Variants in NSD2 observed in about 807,000 individuals in gnomAD.
NSD2 encodes the protein histone-lysine N-methyltransferase NSD2.
NSD2 carries 12 observed loss-of-function variants against 139.0 expected under a neutral mutation model. That is an observed-to-expected ratio of 0.09 (90% CI 0.06 to 0.14). The LOEUF (loss-of-function observed/expected upper bound fraction) is 0.14. Ranked by LOEUF, NSD2 falls within the 10% of genes least tolerant of loss-of-function variation. The pLI is 1.00. For synonymous variants in NSD2, 669 were observed against 648.7 expected (o/e 1.03, Z -0.48); for missense variants, 1,155 against 1,745.0 (o/e 0.66, Z 6.02).
chr4:1,911,948 A>G (rs545040997), intron 3 of NSD2: 1 of 178,828 alleles, frequency 5.6e-6, no homozygotes, highest in East Asian at 1.6e-4. Context: ...TTAATTTTAT[A>G]TTGTGTGTGC....
In NSD2 at chr4:1,900,883, G is replaced by A. The variant is rs749595883; in HGVS notation, c.229G>A (p.Asp77Asn). ...GHDALPFIPADKLKDLTSRVF... is the reference protein window; with the variant it reads ...GHDALPFIPANKLKDLTSRVF... Reference sequence around the variant, plus strand: ...CGACGCCCTGCCCTTTATTCCAGCCGACAAGCTGAAAGATCTTACTTCCCG... The same window carrying A: ...CGACGCCCTGCCCTTTATTCCAGCCAACAAGCTGAAAGATCTTACTTCCCG... Residue 77 changes from aspartate (D) to asparagine (N), a missense_variant, in exon 2 of 22, where the codon GAC becomes AAC. This residue lies in a region of NSD2 where 246 missense variants were observed against 262.8 expected (regional missense o/e 0.94). Transcript: ENST00000508803. 31 of 1,612,814 alleles carry A rather than the reference G, an allele frequency of 1.9e-5. No individual in the cohort carries two copies. In the Admixed American group the frequency reaches 4.3e-4, roughly 23 times the overall value.
At chr4:1,916,147 A>G (rs1462991881) in intron 3 of NSD2, among the ~76,000 whole-genome samples, 1 of 151,812 alleles carries the variant, frequency 6.6e-6, no homozygotes, top group Non-Finnish European at 1.5e-5. Context: ...TAGCACTGTG[A>G]GATAGGGGGG....
At chr4:1,872,637 C>CGAGAGAGAGAGAGA (rs1375337847) in intron 1 of NSD2, among the ~76,000 whole-genome samples, 6 of 81,746 alleles carry the variant, frequency 7.3e-5, no homozygotes, top group Non-Finnish European at 1.3e-4. Flanking sequence ...AGAGAGAGAG[C>CGAGAGAGAGAGAGA]GCGCAGACCC....
intron 1 of NSD2, among the ~76,000 whole-genome samples, chr4:1,900,061 G>A (rs1349127034): frequency 1.3e-5 from 2 of 152,160 alleles, no homozygotes; most frequent in Non-Finnish European, 2.9e-5. Context: ...TCCTGTGCTT[G>A]GAGTTGGAAT....
At chr4:1,872,637 C>CGCGCGA (rs1553856510) in intron 1 of NSD2, among the ~76,000 whole-genome samples, 1 of 81,746 alleles carries the variant, frequency 1.2e-5, no homozygotes, top group African/African-American at 4.3e-5. Flanking sequence ...AGAGAGAGAG[C>CGCGCGA]GCGCAGACCC....
intron 5 of NSD2, among the ~76,000 whole-genome samples, chr4:1,923,064 G>T (rs1257346008): frequency 6.6e-6 from 1 of 152,194 alleles, no homozygotes; most frequent in African/African-American, 2.4e-5. Flanking sequence ...TGGACGTGGT[G>T]CTGGGACCAC....
chr4:1,907,772 C>G (rs1013163852), intron 3 of NSD2, among the ~76,000 whole-genome samples: 1 of 152,130 alleles, frequency 6.6e-6, no homozygotes, highest in East Asian at 1.9e-4. Context: ...GCCACCACAC[C>G]CAGCTAATTT....
rs200279117 is a variant in NSD2, at chr4:1,975,427, C to A, written c.3621+27C>A. On this transcript the variant is annotated intron_variant, in intron 20 of 21. Transcript: ENST00000508803. ...TAAGGCTGTGGCGCCCTCCTTCCCC[C>A]CAGGCTCTGTGTTGGCATTTTGCAC... The A allele has an allele frequency of 1.1e-4, 174 of 1,605,158 alleles. No homozygotes were observed. In the South Asian group the frequency reaches 1.7e-3, roughly 15 times the overall value.
At chr4:1,953,655 C>T in intron 12 of NSD2, 131 bp downstream of exon 12, 1 of 1,196,528 alleles carries the variant, frequency 8.4e-7, no homozygotes, top group Non-Finnish European at 1.2e-6. Flanking sequence ...ACTAACTGGA[C>T]ATCGGCTGGG....
At chr4:1,893,185 GC>G (rs1168268483) in intron 1 of NSD2, among the ~76,000 whole-genome samples, 1 of 152,034 alleles carries the variant, frequency 6.6e-6, no homozygotes, top group Non-Finnish European at 1.5e-5. Context: ...AAACTCTCAG[GC>G]CAGGCTCGGT....
chr4:1,944,237 T>G (rs967674923), intron 9 of NSD2: 1 of 1,066,150 alleles, frequency 9.4e-7, no homozygotes, highest in South Asian at 4.5e-5. Context: ...GAGCGGAGTT[T>G]TCCGAGAGGA....
At chr4:1,947,799 G>T (rs1252211801) in intron 9 of NSD2, 1 of 1,047,782 alleles carries the variant, frequency 9.5e-7, no homozygotes, top group African/African-American at 1.7e-5. Context: ...GTCTGTAATT[G>T]TATTTCAAAA....
chr4:1,895,613 A>G (rs992618786), intron 1 of NSD2, among the ~76,000 whole-genome samples: 2 of 151,988 alleles, frequency 1.3e-5, no homozygotes, highest in African/African-American at 2.4e-5. Flanking sequence ...AAGACCTTCC[A>G]TACTGTCCCA....
At chr4:1,941,424 A>G (rs1366468209) in intron 9 of NSD2, 2 of 1,047,926 alleles carry the variant, frequency 1.9e-6, no homozygotes, top group African/African-American at 3.3e-5. Flanking sequence ...ATTTAGAGTA[A>G]TGCATGAGGC....
chr4:1,879,756 C>G (rs1298683188), intron 1 of NSD2, among the ~76,000 whole-genome samples: 2 of 151,878 alleles, frequency 1.3e-5, no homozygotes, highest in African/African-American at 2.4e-5. Flanking sequence ...TGGCTCACCT[C>G]TCATCTCTGT....
intron 1 of NSD2, among the ~76,000 whole-genome samples, chr4:1,875,568 A>T (rs1433478024): frequency 6.6e-6 from 1 of 152,008 alleles, no homozygotes; most frequent in Admixed American, 6.6e-5. Context: ...CTTTTTAAAG[A>T]ATTGATTGAT....
In NSD2 at chr4:1,948,816, C is replaced by T; in HGVS notation, c.1882-2256C>T. ...GAAATAAAAGGTGCTGTTCCTTCCT[C>T]TGACCCAGGACTGCTTTGTGTTTTC... On this transcript the variant is annotated intron_variant, in intron 9 of 21. Coordinates refer to ENST00000508803, the MANE Select transcript of NSD2 (RefSeq NM_001042424.3). The surrounding 1 kb of genome is among the most constrained non-coding windows in gnomAD (Gnocchi z 4.5). The T allele has an allele frequency of 9.7e-7, 1 of 1,029,410 alleles. No individual in the cohort carries two copies. Among genetic ancestry groups the T allele is most frequent in the Non-Finnish European group, 1.2e-6 (1 of 855,402 alleles). The allele number at this position is 1,029,410 out of a possible 1,614,324, so 63.8% of individuals were successfully genotyped here. A position where few individuals can be genotyped will look rare whatever the true frequency, so the allele number is the denominator to read the frequency against.
At chr4:1,920,850 A>G (rs953669737) in intron 5 of NSD2, among the ~76,000 whole-genome samples, 39 of 151,970 alleles carry the variant, frequency 2.6e-4, no homozygotes, top group African/African-American at 8.4e-4. Context: ...CCTGGGCAAC[A>G]TGAAACCCTG....
In NSD2 at chr4:1,976,052, T is replaced by C. The variant is rs958848023; in HGVS notation, c.3622-423T>C. Among the ~76,000 whole-genome samples, 14 of 152,170 alleles carry C rather than the reference T, an allele frequency of 9.2e-5. No individual in the cohort carries two copies. Among genetic ancestry groups the C allele is most frequent in the African/African-American group, 3.1e-4 (13 of 41,448 alleles). On this transcript the variant is annotated intron_variant, in intron 20 of 21. Coordinates refer to ENST00000508803, the MANE Select transcript of NSD2 (RefSeq NM_001042424.3). This position sits in a 1 kb window ranked among gnomAD's most constrained non-coding sequence, Gnocchi z 5.3. The stretch of plus-strand genomic sequence containing the variant: ...CGGTGTCTGTCCTCAGCCGTGTTGC[T>C]GAGGATGGTCACTGCCCTCAGGTCA...
Sources: allele counts gnomAD v4.1 joint callset (sites outside exome capture counted in the v4.1 genomes callset), GRCh38; gene constraint gnomAD v4.1.1; regional missense constraint gnomAD v4.1.1; non-coding constraint Gnocchi (gnomAD v3.1); transcripts MANE v1.5; gene names NCBI Gene and HGNC (gene_info 2026-07-23, HGNC 2026-07-21).